The following NDUFAF6 variants were observed in gnomAD, a reference collection of about 807,000 sequenced individuals.
NDUFAF6 encodes the protein NADH dehydrogenase (ubiquinone) complex I, assembly factor 6.
Under a neutral mutation model 40.8 loss-of-function variants are expected in NDUFAF6, and 45 were observed. The ratio of observed to expected loss-of-function variants is 1.10; its 90% CI spans 0.87 to 1.42. The LOEUF (loss-of-function observed/expected upper bound fraction) is 1.42. Among genes scored for constraint, NDUFAF6 ranks in the 40% most tolerant of loss-of-function variants. NDUFAF6 has a pLI of 0.00. For missense variants in NDUFAF6, 435 were observed against 418.5 expected (o/e 1.04, Z -0.34); for synonymous variants, 185 against 155.9 (o/e 1.19, Z -1.39).
At chr8:94,916,834 G>C (rs1180492424) in intron 1 of NDUFAF6, among the ~76,000 whole-genome samples, 1 of 142,102 alleles carries the variant, frequency 7.0e-6, no homozygotes, top group African/African-American at 2.6e-5. Flanking sequence ...AAAAAAAAAG[G>C]CCGGGCGCGG....
At chr8:94,959,429 A>C (rs1441253300) in intron 1 of NDUFAF6, among the ~76,000 whole-genome samples, 3 of 152,206 alleles carry the variant, frequency 2.0e-5, no homozygotes, top group African/African-American at 7.2e-5. Context: ...CCATTTGCCT[A>C]ATTGACAACT....
intron 1 of NDUFAF6, among the ~76,000 whole-genome samples, chr8:94,965,284 A>C (rs932127687): frequency 3.9e-5 from 6 of 152,222 alleles, no homozygotes; most frequent in Admixed American, 2.0e-4. Flanking sequence ...ACATTCCAAC[A>C]GGTGCAAAGA....
chr8:94,911,658 G>C (rs1818788409), intron 1 of NDUFAF6, among the ~76,000 whole-genome samples: 1 of 152,184 alleles, frequency 6.6e-6, no homozygotes, highest in South Asian at 2.1e-4. Flanking sequence ...TTATTTACCT[G>C]GTACCTCAGT....
intron 2 of NDUFAF6, among the ~76,000 whole-genome samples, chr8:95,090,829 A>G (rs1283779663): frequency 6.6e-6 from 1 of 152,078 alleles, no homozygotes; most frequent in African/African-American, 2.4e-5. Context: ...AAAAACACAA[A>G]AAGGAGAGAC....
At chr8:95,099,586 A>T (rs948661307), upstream of NDUFAF6, among the ~76,000 whole-genome samples, 26 of 151,112 alleles carry the variant, frequency 1.7e-4, no homozygotes, top group African/African-American at 4.6e-4. Context: ...TCTCAAAATT[A>T]AAAAAAAAGA....
intron 1 of NDUFAF6, chr8:95,100,583 A>C (rs987351500): frequency 6.6e-6 from 1 of 152,188 alleles, no homozygotes; most frequent in African/African-American, 2.4e-5. Context: ...TTTATCCTGT[A>C]TGCGAGAGCT....
At chr8:95,061,264 G>A (rs1288201424), downstream of NDUFAF6, among the ~76,000 whole-genome samples, 1 of 152,148 alleles carries the variant, frequency 6.6e-6, no homozygotes, top group Non-Finnish European at 1.5e-5. Context: ...AGAGACTTGC[G>A]AGTTTGTATT....
At chr8:94,994,760 G>A (rs1826346160) in intron 2 of NDUFAF6, among the ~76,000 whole-genome samples, 1 of 152,098 alleles carries the variant, frequency 6.6e-6, no homozygotes, top group South Asian at 2.1e-4. Flanking sequence ...TTGAGCTCAG[G>A]AAATTGAAGT....
At chr8:95,117,284 CT>C (rs1810154626), downstream of NDUFAF6, among the ~76,000 whole-genome samples, 1 of 152,150 alleles carries the variant, frequency 6.6e-6, no homozygotes, top group Non-Finnish European at 1.5e-5. Context: ...ATTGAGTGTA[CT>C]GGTAGAAAAA....
At position 94,904,182 on chromosome 8, in the gene NDUFAF6, C is replaced by T. The variant is rs150017366; in HGVS notation, c.-936+8255C>T. On this transcript the variant is annotated intron_variant, in intron 1 of 14. Transcript: ENST00000396113. Reference sequence around the variant, plus strand: ...TTTTTGAGATGGAGACTCACTTTGTCGCCCAGGCTGGAGTGCAGTGGCGCG... The same window carrying T: ...TTTTTGAGATGGAGACTCACTTTGTTGCCCAGGCTGGAGTGCAGTGGCGCG... Among the ~76,000 whole-genome samples the T allele has an allele frequency of 8.6e-5, 13 of 151,248 alleles. No homozygotes were observed. The East Asian group carries it at 9.7e-4, about 11-fold the overall frequency.
At chr8:94,964,031 G>A (rs1823811706) in intron 1 of NDUFAF6, among the ~76,000 whole-genome samples, 1 of 152,194 alleles carries the variant, frequency 6.6e-6, no homozygotes, top group Non-Finnish European at 1.5e-5. Context: ...AAATTCTGTG[G>A]CCTTAGTTAG....
intron 1 of NDUFAF6, among the ~76,000 whole-genome samples, chr8:95,025,796 A>G (rs1563798561): frequency 6.6e-6 from 1 of 152,256 alleles, no homozygotes; most frequent in Non-Finnish European, 1.5e-5. Context: ...TCATAAAGTC[A>G]GAGCCCTGAA....
chr8:95,073,482 G>A (rs116356395), intron 9 of NDUFAF6, among the ~76,000 whole-genome samples: 2 of 152,084 alleles, frequency 1.3e-5, no homozygotes, highest in African/African-American at 4.8e-5. Context: ...GAATATCCGG[G>A]CTCGCAGACC....
chr8:95,079,115 G>A (rs1219519158), downstream of NDUFAF6, among the ~76,000 whole-genome samples: 1 of 151,968 alleles, frequency 6.6e-6, no homozygotes, highest in African/African-American at 2.4e-5. Context: ...GGAATTACAG[G>A]CATGTGCCAC....
At chr8:95,051,086 TAAAG>T (rs1211743169) in intron 7 of NDUFAF6, among the ~76,000 whole-genome samples, 2 of 152,234 alleles carry the variant, frequency 1.3e-5, no homozygotes, top group Admixed American at 6.5e-5. Flanking sequence ...GATTGTGACT[TAAAG>T]GAAGTCAGGA....
chr8:94,937,927 T>C (rs374740845), intron 1 of NDUFAF6, among the ~76,000 whole-genome samples: 82 of 152,266 alleles, frequency 5.4e-4, no homozygotes, highest in Middle Eastern at 3.4e-3. Flanking sequence ...CTTGCTAAAC[T>C]AGTATTGCTA....
At chr8:94,963,181 T>C (rs1276672048) in intron 1 of NDUFAF6, among the ~76,000 whole-genome samples, 1 of 152,212 alleles carries the variant, frequency 6.6e-6, no homozygotes, top group Non-Finnish European at 1.5e-5. Flanking sequence ...CAAAGGCATG[T>C]CTTATTGATA....
chr8:95,036,158 C>A, intron 3 of NDUFAF6: 1 of 488,148 alleles, frequency 2.0e-6, no homozygotes, highest in Non-Finnish European at 3.2e-6. Context: ...TAGATATATA[C>A]CATAAATGGT....
At chr8:95,025,837 A>G (rs1000195495) in intron 1 of NDUFAF6, among the ~76,000 whole-genome samples, 1 of 152,212 alleles carries the variant, frequency 6.6e-6, no homozygotes, top group Admixed American at 6.5e-5. Flanking sequence ...AGTGCTGGGA[A>G]GGCCTGGCAC....
Sources: gnomAD v4.1 joint callset for allele counts (sites outside exome capture counted in the v4.1 genomes callset) on GRCh38, gnomAD v4.1.1 for gene constraint, MANE v1.5 for transcripts, NCBI Gene and HGNC (gene_info 2026-07-23, HGNC 2026-07-21) for gene names.